Variants in GAB1 observed in about 807,000 individuals in gnomAD.
GAB1 encodes GRB2-associated-binding protein 1.
A neutral mutation model predicts 66.5 loss-of-function variants in GAB1; 19 were observed. The ratio of observed to expected loss-of-function variants is 0.29; its 90% CI spans 0.20 to 0.42. The LOEUF (loss-of-function observed/expected upper bound fraction) is 0.42, where lower values mean the gene tolerates loss of function less well. GAB1 is among the 10% of genes least tolerant of loss of function. GAB1 has a pLI of 1.00. For missense variants in GAB1, 732 were observed against 858.5 expected (o/e 0.85, Z 1.84); for synonymous variants, 294 against 301.4 (o/e 0.98, Z 0.25).
chr4:143,405,227 A>G (rs1159148944), intron 1 of GAB1, among the ~76,000 whole-genome samples: 1 of 152,192 alleles, frequency 6.6e-6, no homozygotes, highest in Non-Finnish European at 1.5e-5. Context: ...ATGTATGGAT[A>G]TATAGAGAGA....
intron 6 of GAB1, among the ~76,000 whole-genome samples, chr4:143,448,139 C>A (rs952778255): frequency 1.3e-5 from 2 of 151,840 alleles, no homozygotes; most frequent in Admixed American, 1.3e-4. Flanking sequence ...AGGGATGAAG[C>A]CCACTTGATC....
chr4:143,418,431 C>T (rs904559963), intron 2 of GAB1, among the ~76,000 whole-genome samples: 46 of 152,286 alleles, frequency 3.0e-4, no homozygotes, highest in African/African-American at 1.1e-3. Flanking sequence ...TAATGGTTAA[C>T]ATCTAGTCAG....
chr4:143,382,299 G>C (rs552979578), intron 1 of GAB1, among the ~76,000 whole-genome samples: 3 of 152,174 alleles, frequency 2.0e-5, no homozygotes, highest in South Asian at 2.1e-4. Flanking sequence ...AGGTATTATA[G>C]ATATATTCTA....
chr4:143,383,257 C>T (rs1730732813), intron 1 of GAB1, among the ~76,000 whole-genome samples: 2 of 152,138 alleles, frequency 1.3e-5, no homozygotes, highest in South Asian at 4.2e-4. Context: ...TCTGAAATGG[C>T]CACCATCAGA....
intron 1 of GAB1, among the ~76,000 whole-genome samples, chr4:143,355,564 G>A (rs300912): frequency 0.47 from 71,348 of 151,860 alleles, 18,168 homozygotes; most frequent in East Asian, 0.74. Flanking sequence ...AATCTCAGTA[G>A]CATTGGAAAC....
intron 1 of GAB1, among the ~76,000 whole-genome samples, chr4:143,361,914 G>GT (rs563481843): frequency 0.029 from 3,164 of 110,208 alleles, 105 homozygotes; most frequent in African/African-American, 0.12. Context: ...TGTTGTGTGT[G>GT]GTTTTTTTTT....
chr4:143,404,361 T>C (rs1731933963), intron 1 of GAB1, among the ~76,000 whole-genome samples: 1 of 152,150 alleles, frequency 6.6e-6, no homozygotes, highest in African/African-American at 2.4e-5. Flanking sequence ...TAGGGTAGAG[T>C]AAGTTTGTGG....
At chr4:143,468,208 C>CT (rs780138131) in intron 9 of GAB1, among the ~76,000 whole-genome samples, 10,925 of 70,106 alleles carry the variant, frequency 0.16, 537 homozygotes, top group African/African-American at 0.25. Flanking sequence ...AGTTTGAATT[C>CT]TTTTTTTTTT....
chr4:143,443,459 AAC>A (rs1734347829), intron 6 of GAB1, among the ~76,000 whole-genome samples: 1 of 152,204 alleles, frequency 6.6e-6, no homozygotes, highest in Non-Finnish European at 1.5e-5. Flanking sequence ...CTTCAAGAAA[AAC>A]ACATTTTAAA....
chr4:143,342,168 A>T (rs768566618), intron 1 of GAB1, among the ~76,000 whole-genome samples: 2 of 152,234 alleles, frequency 1.3e-5, no homozygotes. Flanking sequence ...GGGCTGAATG[A>T]TAAGTGTAGA....
chr4:143,417,328 A>G (rs1488192061), intron 2 of GAB1: 3 of 322,286 alleles, frequency 9.3e-6, no homozygotes, highest in African/African-American at 2.2e-5. Flanking sequence ...TGGGGTGCCT[A>G]TCCTGGAAAG....
At chr4:143,457,658 G>C (rs772973418) in intron 6 of GAB1, 4 of 861,406 alleles carry the variant, frequency 4.6e-6, no homozygotes, top group Non-Finnish European at 5.3e-6. Context: ...TATATTAAGA[G>C]AGTCTTCTTT....
chr4:143,367,101 CAG>C (rs1368272093), intron 1 of GAB1, among the ~76,000 whole-genome samples: 1 of 152,152 alleles, frequency 6.6e-6, no homozygotes, highest in Non-Finnish European at 1.5e-5. Flanking sequence ...AACCATGAGA[CAG>C]GGACATTTCT....
chr4:143,409,384 T>C (rs983602958), intron 1 of GAB1, among the ~76,000 whole-genome samples: 28 of 143,160 alleles, frequency 2.0e-4, no homozygotes, highest in Non-Finnish European at 1.4e-4. Context: ...AACTTTGAAC[T>C]TTCCCCCCCC....
chr4:143,351,482 T>C (rs1729220706), intron 1 of GAB1, among the ~76,000 whole-genome samples: 1 of 152,138 alleles, frequency 6.6e-6, no homozygotes, highest in African/African-American at 2.4e-5. Flanking sequence ...CGCTTGTGTC[T>C]GCCACCTAGG....
intron 9 of GAB1, among the ~76,000 whole-genome samples, chr4:143,467,654 T>C (rs1735863766): frequency 1.3e-5 from 2 of 152,178 alleles, no homozygotes; most frequent in South Asian, 4.1e-4. Context: ...GTTGAACATA[T>C]CTTCTGAGGA....
intron 1 of GAB1, among the ~76,000 whole-genome samples, chr4:143,372,351 C>G (rs1048224761): frequency 1.3e-5 from 2 of 152,178 alleles, no homozygotes; most frequent in Admixed American, 1.3e-4. Context: ...TATTCAACAT[C>G]TATTTATTGA....
intron 2 of GAB1, among the ~76,000 whole-genome samples, chr4:143,423,399 G>A (rs1052387691): frequency 3.3e-5 from 5 of 151,978 alleles, no homozygotes; most frequent in African/African-American, 1.2e-4. Flanking sequence ...TTGCCTCTTA[G>A]AAGTGTGTAA....
intron 1 of GAB1, among the ~76,000 whole-genome samples, chr4:143,378,887 A>C (rs968793722): frequency 6.6e-6 from 1 of 152,120 alleles, no homozygotes; most frequent in Non-Finnish European, 1.5e-5. Context: ...TCATTTGCTC[A>C]AGGTCTCACC....
Sources: gnomAD v4.1 joint callset for allele counts (sites outside exome capture counted in the v4.1 genomes callset) on GRCh38, gnomAD v4.1.1 for gene constraint, MANE v1.5 for transcripts, NCBI Gene and HGNC (gene_info 2026-07-23, HGNC 2026-07-21) for gene names.